The following SDK1 variants were observed in gnomAD, a reference collection of about 807,000 sequenced individuals.
SDK1 encodes protein sidekick-1.
SDK1 carries 157 observed loss-of-function variants against 245.5 expected under a neutral mutation model. The observed-to-expected ratio is 0.64, with a 90% CI of 0.56 to 0.73. The LOEUF (loss-of-function observed/expected upper bound fraction) is 0.73. Ranked by LOEUF, SDK1 falls within the 30% of genes least tolerant of loss-of-function variation. SDK1 has a pLI of 0.00. For synonymous variants in SDK1, 1,647 were observed against 1,278.5 expected (o/e 1.29, Z -6.15); for missense variants, 3,583 against 3,002.3 (o/e 1.19, Z -4.52).
intron 4 of SDK1, among the ~76,000 whole-genome samples, chr7:3,783,694 T>TA (rs1427489806): frequency 3.3e-5 from 5 of 152,280 alleles, no homozygotes; most frequent in African/African-American, 7.2e-5. Context: ...AAAATGTTGA[T>TA]AAAAAAGTTG....
intron 4 of SDK1, among the ~76,000 whole-genome samples, chr7:3,727,393 C>T (rs899967842): frequency 5.3e-5 from 8 of 152,186 alleles, no homozygotes; most frequent in Non-Finnish European, 1.2e-4. Context: ...TTATCATTAA[C>T]GTTTGCCATC....
intron 1 of SDK1, among the ~76,000 whole-genome samples, chr7:3,320,391 T>C (rs558046525): frequency 6.6e-6 from 1 of 152,246 alleles, no homozygotes; most frequent in South Asian, 2.1e-4. Flanking sequence ...GAGTAAGAAC[T>C]CATGTTACTA....
At chr7:3,309,255 G>A (rs912447755) in intron 1 of SDK1, among the ~76,000 whole-genome samples, 1 of 151,960 alleles carries the variant, frequency 6.6e-6, no homozygotes, top group Non-Finnish European at 1.5e-5. Flanking sequence ...TTTTGATAGG[G>A]TATGACCAAG....
At chr7:4,260,154 CTGTG>C (rs1249708154) in intron 44 of SDK1, among the ~76,000 whole-genome samples, 1 of 148,186 alleles carries the variant, frequency 6.7e-6, no homozygotes, top group Non-Finnish European at 1.5e-5. Context: ...TCCGGGGTCT[CTGTG>C]TGTGTGGGAA....
chr7:4,248,209 T>C (rs1036779731), intron 44 of SDK1, among the ~76,000 whole-genome samples: 1 of 152,046 alleles, frequency 6.6e-6, no homozygotes, highest in Non-Finnish European at 1.5e-5. Context: ...CATACACACC[T>C]GAATACATGC....
At chr7:4,135,224 G>A (rs1471468253) in intron 28 of SDK1, among the ~76,000 whole-genome samples, 1 of 152,238 alleles carries the variant, frequency 6.6e-6, no homozygotes, top group Non-Finnish European at 1.5e-5. Context: ...ACATTCGCCA[G>A]ATTTGGCACC....
At chr7:3,435,174 T>TAAAA (rs10646779) in intron 1 of SDK1, among the ~76,000 whole-genome samples, 1 of 20,542 alleles carries the variant, frequency 4.9e-5, no homozygotes, top group African/African-American at 5.4e-4. Flanking sequence ...ATTTTTTTTT[T>TAAAA]TGAAATCTTT....
At chr7:3,586,367 A>G (rs915719409) in intron 1 of SDK1, among the ~76,000 whole-genome samples, 4 of 151,892 alleles carry the variant, frequency 2.6e-5, no homozygotes, top group Non-Finnish European at 5.9e-5. Flanking sequence ...ATTCACAGCA[A>G]ATTGAGGAGG....
chr7:3,723,880 A>G (rs533951295), intron 4 of SDK1, among the ~76,000 whole-genome samples: 1 of 127,396 alleles, frequency 7.8e-6, no homozygotes, highest in Non-Finnish European at 1.6e-5. Context: ...ATACACGTAC[A>G]TATATATATA....
chr7:3,319,878 CTTTT>C lies in SDK1; in HGVS notation c.298+18008_298+18011del, dbSNP rs57770805. 2.6e-4 allele frequency among the ~76,000 whole-genome samples: 23 copies of C among 88,136 alleles called. 2 individuals carry two copies. The highest frequency in any genetic ancestry group is 4.1e-4 in the African/African-American group (9 of 21,746). 57.8% of individuals were successfully genotyped at this position (88,136 alleles called of 152,430 possible). On this transcript the variant is annotated intron_variant, in intron 1 of 44. Coordinates refer to ENST00000404826, the MANE Select transcript of SDK1 (RefSeq NM_152744.4). The stretch of plus-strand genomic sequence containing the variant: ...TGCCTATATCTAACCCATTCTTAGT[CTTTT>C]TTTTTTTTTTTTTGCATTTGCTTTT...
intron 2 of SDK1, among the ~76,000 whole-genome samples, chr7:3,635,492 CAAGATAT>C (rs1163250814): frequency 6.6e-6 from 1 of 152,104 alleles, no homozygotes; most frequent in Non-Finnish European, 1.5e-5. Context: ...ATAAGTGATT[CAAGATAT>C]GCTTGGGAAC....
intron 4 of SDK1, among the ~76,000 whole-genome samples, chr7:3,765,092 CTG>C (rs1173250678): frequency 6.6e-6 from 1 of 151,952 alleles, no homozygotes; most frequent in Non-Finnish European, 1.5e-5. Flanking sequence ...AGTTTTTAAA[CTG>C]TATAAGGATA....
In SDK1 at chr7:3,989,735, T is replaced by C. The variant is rs1784154337; in HGVS notation, c.2131+2413T>C. Among the ~76,000 whole-genome samples the C allele has an allele frequency of 3.3e-5, 5 of 152,214 alleles. No individual in the cohort carries two copies. The South Asian group carries it at 1.0e-3, about 32-fold the overall frequency. Reference sequence around the variant, plus strand: ...TGGCTCTTCCCAGCTGATGTCAGCCTGTACACGCCCCCAGCAATTATTGAG... The same window carrying C: ...TGGCTCTTCCCAGCTGATGTCAGCCCGTACACGCCCCCAGCAATTATTGAG... On this transcript the variant is annotated intron_variant, in intron 14 of 44. Transcript: ENST00000404826.
intron 40 of SDK1, among the ~76,000 whole-genome samples, chr7:4,228,395 C>T (rs1785561689): frequency 6.6e-6 from 1 of 152,212 alleles, no homozygotes; most frequent in Admixed American, 6.5e-5. Flanking sequence ...GCAGGTCCAG[C>T]CCAGAGGTGG....
chr7:3,772,469 G>A (rs988448410), intron 4 of SDK1, among the ~76,000 whole-genome samples: 5 of 152,088 alleles, frequency 3.3e-5, no homozygotes, highest in Non-Finnish European at 5.9e-5. Flanking sequence ...TTTTAAAAAT[G>A]CATTAGCCTT....
intron 1 of SDK1, among the ~76,000 whole-genome samples, chr7:3,443,494 T>A (rs1464126979): frequency 6.6e-6 from 1 of 152,188 alleles, no homozygotes; most frequent in Non-Finnish European, 1.5e-5. Context: ...AGCTTGTAAT[T>A]AACTGCACAG....
At chr7:3,349,172 C>T (rs1780589079) in intron 1 of SDK1, among the ~76,000 whole-genome samples, 1 of 144,466 alleles carries the variant, frequency 6.9e-6, no homozygotes, top group Non-Finnish European at 1.5e-5. Flanking sequence ...CCTTCAGCTG[C>T]CCTGTGGTTG....
intron 20 of SDK1, among the ~76,000 whole-genome samples, chr7:4,070,127 A>G (rs1032464348): frequency 6.6e-6 from 1 of 152,272 alleles, no homozygotes; most frequent in African/African-American, 2.4e-5. Context: ...GCTAACAATT[A>G]TAATTGCCAT....
At chr7:3,959,352 C>T (rs182118101) in intron 8 of SDK1, among the ~76,000 whole-genome samples, 26 of 152,172 alleles carry the variant, frequency 1.7e-4, no homozygotes, top group South Asian at 2.1e-4. Context: ...CCCCGAGATT[C>T]GGGGCAGAAA....
Sources: gnomAD v4.1 joint callset for allele counts (sites outside exome capture counted in the v4.1 genomes callset) on GRCh38, gnomAD v4.1.1 for gene constraint, MANE v1.5 for transcripts, NCBI Gene and HGNC (gene_info 2026-07-23, HGNC 2026-07-21) for gene names.